LARGE1: variants seen among roughly 807,000 people sequenced by gnomAD.
LARGE1 encodes xylosyl- and glucuronyltransferase LARGE1.
LARGE1 carries 43 observed loss-of-function variants against 87.6 expected under a neutral mutation model. The observed-to-expected ratio is 0.49, with a 90% confidence interval of 0.38 to 0.63. The LOEUF is 0.63. LARGE1 is among the 30% of genes least tolerant of loss of function. LARGE1 has a pLI of 0.00. For synonymous variants in LARGE1, 434 were observed against 394.6 expected (o/e 1.10, Z -1.18); for missense variants, 802 against 1,000.2 (o/e 0.80, Z 2.67).
intron 9 of LARGE1, among the ~76,000 whole-genome samples, chr22:33,378,093 T>A (rs1359263610): frequency 6.6e-6 from 1 of 152,218 alleles, no homozygotes; most frequent in Non-Finnish European, 1.5e-5. Flanking sequence ...CTTGTGTGTT[T>A]TGTGATTCCT....
chr22:33,817,506 C>G (rs1336475783), intron 1 of LARGE1, among the ~76,000 whole-genome samples: 5 of 152,108 alleles, frequency 3.3e-5, no homozygotes, highest in Admixed American at 1.3e-4. Flanking sequence ...GCTGCATACC[C>G]AGCACGCTAT....
At chr22:33,167,705 T>C (rs932784164) in intron 11 of LARGE1, among the ~76,000 whole-genome samples, 11 of 152,302 alleles carry the variant, frequency 7.2e-5, no homozygotes, top group Non-Finnish European at 1.5e-4. Flanking sequence ...TTCTTAACCA[T>C]AGTGTTTTTG....
chr22:33,842,739 C>T (rs1406714504), intron 1 of LARGE1, among the ~76,000 whole-genome samples: 3 of 152,150 alleles, frequency 2.0e-5, no homozygotes, highest in Non-Finnish European at 4.4e-5. Flanking sequence ...CTGCAGGTGG[C>T]TATTGAGACT....
chr22:33,121,187 G>T, the LARGE1 span, among the ~76,000 whole-genome samples: 1 of 152,040 alleles, frequency 6.6e-6, no homozygotes, highest in Non-Finnish European at 1.5e-5. Context: ...ACTGCCTTTT[G>T]TTTTTTTCCC....
chr22:33,555,441 G>C (rs1051133919), intron 6 of LARGE1, among the ~76,000 whole-genome samples: 2 of 152,148 alleles, frequency 1.3e-5, no homozygotes, highest in Non-Finnish European at 2.9e-5. Flanking sequence ...GAGAAAAATG[G>C]GATGGTGTCT....
chr22:33,629,039 C>G (rs1346263936), intron 3 of LARGE1, among the ~76,000 whole-genome samples: 1 of 152,192 alleles, frequency 6.6e-6, no homozygotes, highest in Non-Finnish European at 1.5e-5. Context: ...GAAGCAATGT[C>G]AGATCCCTCT....
the LARGE1 span, among the ~76,000 whole-genome samples, chr22:33,092,823 A>G: frequency 6.6e-6 from 1 of 152,164 alleles, no homozygotes; most frequent in African/African-American, 2.4e-5. Flanking sequence ...TTATGGCTGC[A>G]TAGAGTCTCA....
At chr22:33,693,692 C>T (rs573937862) in intron 2 of LARGE1, among the ~76,000 whole-genome samples, 221 of 152,184 alleles carry the variant, frequency 1.5e-3, no homozygotes, top group African/African-American at 4.9e-3. Flanking sequence ...GGCATGGTGG[C>T]GCACGCCTGT....
chr22:33,155,100 T>A, the LARGE1 span, among the ~76,000 whole-genome samples: 2 of 152,154 alleles, frequency 1.3e-5, no homozygotes, highest in African/African-American at 4.8e-5. Context: ...CCAGTCTAGG[T>A]ATGTCTTTGT....
the LARGE1 span, among the ~76,000 whole-genome samples, chr22:33,136,232 T>A: frequency 1.3e-5 from 2 of 152,172 alleles, no homozygotes; most frequent in Non-Finnish European, 2.9e-5. Context: ...TACCCAAGAC[T>A]GGGTAATTTA....
the LARGE1 span, among the ~76,000 whole-genome samples, chr22:33,104,839 C>T: frequency 1.8e-4 from 27 of 152,262 alleles, no homozygotes; most frequent in Admixed American, 1.7e-3. Flanking sequence ...AATCTCGAGC[C>T]CGTTTTCATG....
At chr22:33,905,571 C>T (rs2065421583) in intron 1 of LARGE1, among the ~76,000 whole-genome samples, 1 of 152,162 alleles carries the variant, frequency 6.6e-6, no homozygotes, top group Non-Finnish European at 1.5e-5. Flanking sequence ...AAAAATCCAA[C>T]AGCAAGTTAT....
chr22:33,740,459 G>C (rs569628829), intron 2 of LARGE1, among the ~76,000 whole-genome samples: 1 of 152,004 alleles, frequency 6.6e-6, no homozygotes, highest in East Asian at 1.9e-4. Context: ...GGTTTCCTCC[G>C]AGGACCTATT....
chr22:33,381,282 A>T (rs1285079879), intron 9 of LARGE1, among the ~76,000 whole-genome samples: 1 of 152,216 alleles, frequency 6.6e-6, no homozygotes, highest in African/African-American at 2.4e-5. Flanking sequence ...ATAGCTTGTT[A>T]TGCAGCATTA....
chr22:33,397,423 C>T (rs2065789116), intron 7 of LARGE1, among the ~76,000 whole-genome samples: 1 of 152,170 alleles, frequency 6.6e-6, no homozygotes, highest in Non-Finnish European at 1.5e-5. Flanking sequence ...CCTCATCTCG[C>T]CTTCTTACAC....
intron 12 of LARGE1, among the ~76,000 whole-genome samples, chr22:33,286,013 A>T (rs760477312): frequency 1.3e-5 from 2 of 152,198 alleles, no homozygotes; most frequent in Admixed American, 1.3e-4. Flanking sequence ...ACTCTTTACC[A>T]TAGTGCTCAT....
rs571872630 is a variant in LARGE1, at chr22:33,675,206, A to C, written c.107-24538T>G. ...CTACTCAGGAGGCTAAGGCAGCAGA[A>C]TCGCTTGAACCCGGGAGGCAGAGGT... is the stretch of plus-strand genomic sequence containing the variant. On this transcript the variant is annotated intron_variant, in intron 2 of 14. Transcript: ENST00000397394. 7.5e-5 allele frequency among the ~76,000 whole-genome samples: 11 copies of C among 145,924 alleles called. No individual in the cohort carries two copies. In the East Asian group the frequency reaches 2.3e-3, roughly 31 times the overall value.
chr22:33,546,126 C>A (rs2077354372), intron 6 of LARGE1, among the ~76,000 whole-genome samples: 1 of 152,160 alleles, frequency 6.6e-6, no homozygotes, highest in African/African-American at 2.4e-5. Flanking sequence ...TTTTCAGTGC[C>A]TTCCAGAAAA....
At chr22:33,374,892 C>T (rs1289263711) in intron 9 of LARGE1, among the ~76,000 whole-genome samples, 2 of 152,050 alleles carry the variant, frequency 1.3e-5, no homozygotes, top group Non-Finnish European at 2.9e-5. Flanking sequence ...GATTTTTAGC[C>T]ATGGCTATTC....
Sources: allele counts gnomAD v4.1 joint callset (sites outside exome capture counted in the v4.1 genomes callset), GRCh38; gene constraint gnomAD v4.1.1; transcripts MANE v1.5; gene names NCBI Gene and HGNC (gene_info 2026-07-23, HGNC 2026-07-21).